Variants in ADGRL2 observed in about 807,000 individuals in gnomAD.
ADGRL2 encodes calcium-independent alpha-latrotoxin receptor 2.
Under a neutral mutation model 157.4 loss-of-function variants are expected in ADGRL2, and 44 were observed. That is an observed-to-expected ratio of 0.28 (90% confidence interval 0.22 to 0.36). ADGRL2 has a LOEUF of 0.36. Ranked by LOEUF, ADGRL2 falls within the 10% of genes least tolerant of loss-of-function variation. The pLI is 1.00. For synonymous variants in ADGRL2, 585 were observed against 624.7 expected (o/e 0.94, Z 0.95); for missense variants, 1,510 against 1,768.9 (o/e 0.85, Z 2.63).
At chr1:81,338,088 C>T (rs965250244) in intron 1 of ADGRL2, among the ~76,000 whole-genome samples, 8 of 152,124 alleles carry the variant, frequency 5.3e-5, no homozygotes, top group South Asian at 2.1e-4. Flanking sequence ...CTTGGCCCAA[C>T]GCAGTGGCTC....
intron 1 of ADGRL2, among the ~76,000 whole-genome samples, chr1:81,834,159 C>T (rs556809368): frequency 6.6e-6 from 1 of 152,260 alleles, no homozygotes; most frequent in Non-Finnish European, 1.5e-5. Context: ...TCACCATGCA[C>T]TACACCTCTA....
intron 2 of ADGRL2, among the ~76,000 whole-genome samples, chr1:81,765,333 A>G (rs1332448829): frequency 6.6e-6 from 1 of 152,020 alleles, no homozygotes; most frequent in Non-Finnish European, 1.5e-5. Context: ...GACATTTTAG[A>G]AGAAAAATGA....
chr1:81,643,312 TTTTG>T (rs2082255684), intron 3 of ADGRL2, among the ~76,000 whole-genome samples: 1 of 152,032 alleles, frequency 6.6e-6, no homozygotes, highest in African/African-American at 2.4e-5. Flanking sequence ...TGGAATTTGT[TTTTG>T]TTTGTTTGTT....
At chr1:81,580,893 G>A (rs1048000583) in exon 3 of ADGRL2, 1 of 152,076 alleles carries the variant, frequency 6.6e-6, no homozygotes, top group Non-Finnish European at 1.5e-5. Context: ...TGTTTCCAAA[G>A]GACATTAATT....
intron 1 of ADGRL2, chr1:81,721,644 G>T: frequency 1.2e-6 from 1 of 835,910 alleles, no homozygotes; most frequent in South Asian, 1.5e-5. Context: ...CAGCGCCTGG[G>T]CCTGGAACCG....
intron 1 of ADGRL2, among the ~76,000 whole-genome samples, chr1:81,309,603 A>C (rs1659596456): frequency 6.6e-6 from 1 of 152,196 alleles, no homozygotes; most frequent in African/African-American, 2.4e-5. Flanking sequence ...CTGATTTTCC[A>C]ACTCTTTTCA....
intron 21 of ADGRL2, among the ~76,000 whole-genome samples, chr1:81,986,360 T>C (rs1663154293): frequency 6.6e-6 from 1 of 152,124 alleles, no homozygotes; most frequent in Non-Finnish European, 1.5e-5. Context: ...GTCTTTTTTT[T>C]CTCAGCATGT....
intron 2 of ADGRL2, among the ~76,000 whole-genome samples, chr1:81,844,849 A>T (rs1004594384): frequency 2.5e-4 from 38 of 152,080 alleles, no homozygotes; most frequent in Non-Finnish European, 4.0e-4. Flanking sequence ...GACTCTCCTG[A>T]GTTTGACTTT....
intron 1 of ADGRL2, among the ~76,000 whole-genome samples, chr1:81,418,875 T>A (rs929881923): frequency 2.0e-5 from 3 of 152,226 alleles, no homozygotes; most frequent in African/African-American, 7.2e-5. Flanking sequence ...TAAAATAGAA[T>A]CTATACTTTG....
intron 2 of ADGRL2, among the ~76,000 whole-genome samples, chr1:81,849,732 T>G (rs569502197): frequency 1.3e-5 from 2 of 152,040 alleles, no homozygotes; most frequent in Non-Finnish European, 2.9e-5. Context: ...ATTGCATGTT[T>G]TGGTAAAGGA....
At chr1:81,410,293 A>C (rs1219097728) in intron 1 of ADGRL2, among the ~76,000 whole-genome samples, 4 of 152,370 alleles carry the variant, frequency 2.6e-5, no homozygotes, top group Admixed American at 6.5e-5. Context: ...AATTTGTATT[A>C]GGTCCTGCAT....
intron 2 of ADGRL2, among the ~76,000 whole-genome samples, chr1:81,882,609 C>T (rs556321028): frequency 8.5e-5 from 13 of 152,238 alleles, no homozygotes; most frequent in Admixed American, 2.6e-4. Flanking sequence ...TTTCATAGTT[C>T]ATAAGATGCT....
intron 2 of ADGRL2, among the ~76,000 whole-genome samples, chr1:81,466,385 G>A (rs2078053507): frequency 6.6e-6 from 1 of 152,164 alleles, no homozygotes; most frequent in South Asian, 2.1e-4. Context: ...TTTTGACTAG[G>A]CCGTGGCATT....
chr1:81,692,327 A>G (rs1352055830), intron 3 of ADGRL2, among the ~76,000 whole-genome samples: 1 of 152,150 alleles, frequency 6.6e-6, no homozygotes, highest in Non-Finnish European at 1.5e-5. Context: ...TAAATAAATC[A>G]AATCAAATAA....
At chr1:81,747,225 GTATATATACATATATATGTA>G in intron 1 of ADGRL2, among the ~76,000 whole-genome samples, 1 of 144,862 alleles carries the variant, frequency 6.9e-6, no homozygotes, top group Non-Finnish European at 1.5e-5. Context: ...GTGTATATAT[GTATATATACATATATATGTA>G]TATGTGTGTA....
intron 3 of ADGRL2, among the ~76,000 whole-genome samples, chr1:81,653,127 A>G (rs1374450278): frequency 6.6e-6 from 1 of 152,158 alleles, no homozygotes; most frequent in Non-Finnish European, 1.5e-5. Context: ...ATATACATAT[A>G]TATTCAAAAT....
At chr1:81,513,824 A>C (rs1365884579) in intron 2 of ADGRL2, 1 of 152,202 alleles carries the variant, frequency 6.6e-6, no homozygotes, top group Non-Finnish European at 1.5e-5. Context: ...GCTGCATATC[A>C]ATGTCTTTGA....
intron 2 of ADGRL2, among the ~76,000 whole-genome samples, chr1:81,899,056 G>T (rs368813998): frequency 1.3e-5 from 2 of 152,274 alleles, no homozygotes; most frequent in South Asian, 2.1e-4. Context: ...TAGCAAACAT[G>T]ACAGTATTTA....
chr1:81,387,314 G>A (rs2076455368), intron 1 of ADGRL2, among the ~76,000 whole-genome samples: 1 of 152,114 alleles, frequency 6.6e-6, no homozygotes, highest in Admixed American at 6.6e-5. Context: ...CCAGATCACA[G>A]AGAAGCAGAT....
Sources: gnomAD v4.1 joint callset for allele counts (sites outside exome capture counted in the v4.1 genomes callset) on GRCh38, gnomAD v4.1.1 for gene constraint, MANE v1.5 for transcripts, NCBI Gene and HGNC (gene_info 2026-07-23, HGNC 2026-07-21) for gene names.